Variants in MTA3 observed in about 807,000 individuals in gnomAD.
MTA3 encodes metastasis associated 1 family member 3.
A neutral mutation model predicts 83.5 loss-of-function variants in MTA3; 34 were observed. That is an observed-to-expected ratio of 0.41 (90% CI 0.31 to 0.54). The LOEUF (loss-of-function observed/expected upper bound fraction) is 0.54. Ranked by LOEUF, MTA3 falls within the 20% of genes least tolerant of loss-of-function variation. The probability of loss-of-function intolerance (pLI) is 0.33; values close to 1 mark genes in which losing one functional copy is unlikely to be tolerated. For missense variants in MTA3, 761 were observed against 726.4 expected (o/e 1.05, Z -0.55); for synonymous variants, 303 against 252.7 (o/e 1.20, Z -1.89).
chr2:42,567,734 A>G (rs1677985131), upstream of MTA3, among the ~76,000 whole-genome samples: 1 of 152,068 alleles, frequency 6.6e-6, no homozygotes, highest in Non-Finnish European at 1.5e-5. Context: ...ACCATTTAGA[A>G]GCTTTAGGCA....
intron 2 of MTA3, among the ~76,000 whole-genome samples, chr2:42,535,890 A>G (rs1676207324): frequency 7.1e-6 from 1 of 140,152 alleles, no homozygotes; most frequent in African/African-American, 2.6e-5. Flanking sequence ...AGGTCAAGCC[A>G]GGAGGATCCC....
chr2:42,668,941 A>G (rs1003761542), intron 8 of MTA3, among the ~76,000 whole-genome samples: 3 of 152,182 alleles, frequency 2.0e-5, no homozygotes, highest in African/African-American at 7.2e-5. Context: ...CAGTATTATT[A>G]TTCTTCAGAT....
At chr2:42,613,531 G>A (rs1306626223) in intron 4 of MTA3, 1 of 152,192 alleles carries the variant, frequency 6.6e-6, no homozygotes, top group Non-Finnish European at 1.5e-5. Flanking sequence ...TTGAAGTCAT[G>A]CCTTATCTTT....
chr2:42,517,699 G>A lies in MTA3; in HGVS notation c.-141+22445G>A, dbSNP rs192193959. 4.0e-3 allele frequency among the ~76,000 whole-genome samples: 609 copies of A among 151,704 alleles called. 4 individuals are homozygous for A. Among genetic ancestry groups the A allele is most frequent in the African/African-American group, 0.014 (580 of 41,374 alleles). ...TCGAGACCAGCTTGGCCAACATGGGGAAACCCTGTCTCTACTAAAAATACA... is the reference window on the plus strand; with the variant it reads ...TCGAGACCAGCTTGGCCAACATGGGAAAACCCTGTCTCTACTAAAAATACA... On this transcript the variant is annotated intron_variant, in intron 2 of 17. Transcript: ENST00000405592.
intron 2 of MTA3, among the ~76,000 whole-genome samples, chr2:42,510,128 C>T (rs1162889011): frequency 6.6e-6 from 1 of 151,986 alleles, no homozygotes; most frequent in East Asian, 1.9e-4. Flanking sequence ...GAGTTCAAGA[C>T]CAGCCTGGCC....
intron 3 of MTA3, among the ~76,000 whole-genome samples, chr2:42,602,816 AGAG>A (rs1184780669): frequency 6.6e-6 from 1 of 152,168 alleles, no homozygotes. Context: ...ATCCTTATCC[AGAG>A]GAGTGTTCTC....
At chr2:42,626,378 A>T (rs1209250772) in intron 4 of MTA3, among the ~76,000 whole-genome samples, 2 of 151,396 alleles carry the variant, frequency 1.3e-5, no homozygotes, top group Admixed American at 6.6e-5. Flanking sequence ...GCTCACTGCA[A>T]CCTCTGCTTC....
At chr2:42,512,956 T>G (rs2103672683) in intron 2 of MTA3, among the ~76,000 whole-genome samples, 1 of 152,294 alleles carries the variant, frequency 6.6e-6, no homozygotes, top group East Asian at 1.9e-4. Flanking sequence ...AAACTCCAAT[T>G]TTAATGGCAC....
At chr2:42,558,154 C>T (rs528028967) in intron 2 of MTA3, among the ~76,000 whole-genome samples, 1 of 152,180 alleles carries the variant, frequency 6.6e-6, no homozygotes, top group East Asian at 1.9e-4. Flanking sequence ...CCTCAATGCT[C>T]CCTAGTCTCT....
At chr2:42,683,178 A>G (rs1692078804) in intron 9 of MTA3, among the ~76,000 whole-genome samples, 1 of 152,322 alleles carries the variant, frequency 6.6e-6, no homozygotes, top group Non-Finnish European at 1.5e-5. Context: ...CTGAGTTCCA[A>G]GTTAAAATCT....
chr2:42,571,155 G>T (rs1678433041), intron 2 of MTA3, among the ~76,000 whole-genome samples: 1 of 152,004 alleles, frequency 6.6e-6, no homozygotes, highest in African/African-American at 2.4e-5. Context: ...CAATTTGGGA[G>T]GCCAAGGAGG....
At chr2:42,566,110 C>T (rs912900508), upstream of MTA3, among the ~76,000 whole-genome samples, 1 of 152,056 alleles carries the variant, frequency 6.6e-6, no homozygotes, top group African/African-American at 2.4e-5. Context: ...AAGTAACTTG[C>T]TCAAGGTCTT....
chr2:42,559,918 T>C (rs1255487674), intron 2 of MTA3, among the ~76,000 whole-genome samples: 2 of 151,584 alleles, frequency 1.3e-5, no homozygotes, highest in East Asian at 3.9e-4. Context: ...AAAAACTCCA[T>C]TGGCCGTGAC....
At chr2:42,576,813 C>T (rs775108163) in intron 2 of MTA3, among the ~76,000 whole-genome samples, 34 of 152,202 alleles carry the variant, frequency 2.2e-4, no homozygotes, top group Non-Finnish European at 7.3e-5. Flanking sequence ...AGGAGAATCG[C>T]TTGAACCCAT....
intron 3 of MTA3, among the ~76,000 whole-genome samples, chr2:42,608,114 G>A (rs530647177): frequency 6.6e-6 from 1 of 152,312 alleles, no homozygotes; most frequent in East Asian, 1.9e-4. Flanking sequence ...TGAACCAAGG[G>A]ATCGTATAAG....
intron 4 of MTA3, among the ~76,000 whole-genome samples, chr2:42,630,727 A>G (rs1686592337): frequency 6.6e-6 from 1 of 152,120 alleles, no homozygotes; most frequent in Admixed American, 6.6e-5. Context: ...AGGACATTTT[A>G]GTTGTGTGAT....
At chr2:42,693,599 A>T (rs1693111752) in intron 9 of MTA3, among the ~76,000 whole-genome samples, 1 of 150,864 alleles carries the variant, frequency 6.6e-6, no homozygotes, top group African/African-American at 2.4e-5. Flanking sequence ...TCTTCATTTT[A>T]GTCAGCTGGT....
intron 11 of MTA3, among the ~76,000 whole-genome samples, chr2:42,702,085 C>G (rs966337252): frequency 6.6e-6 from 1 of 150,984 alleles, no homozygotes; most frequent in African/African-American, 2.4e-5. Context: ...GTGGCAGGCA[C>G]CTGTAATCCC....
intron 2 of MTA3, chr2:42,533,412 T>G (rs1483230939): frequency 6.6e-6 from 1 of 151,802 alleles, no homozygotes; most frequent in Non-Finnish European, 1.5e-5. Flanking sequence ...CTAAAAGGCC[T>G]AGAGAACACA....
Sources: allele counts gnomAD v4.1 joint callset (sites outside exome capture counted in the v4.1 genomes callset), GRCh38; gene constraint gnomAD v4.1.1; transcripts MANE v1.5; gene names NCBI Gene and HGNC (gene_info 2026-07-23, HGNC 2026-07-21).